TFPT: variants seen among roughly 807,000 people sequenced by gnomAD.
TFPT encodes TCF3 fusion partner, also known as INO80 complex subunit F.
TFPT carries 27 observed loss-of-function variants against 28.8 expected under a neutral mutation model. The ratio of observed to expected loss-of-function variants is 0.94; its 90% CI spans 0.69 to 1.29. The LOEUF is 1.29. TFPT is among the 50% of genes most tolerant of loss of function. The pLI, the probability that TFPT is intolerant of heterozygous loss-of-function variation, is 0.00. For missense variants in TFPT, 330 were observed against 338.0 expected (o/e 0.98, Z 0.19); for synonymous variants, 152 against 142.8 (o/e 1.06, Z -0.46).
In TFPT at chr19:54,108,213, GTGGGGGCATCCGTGCCC is replaced by G. The variant is rs2073337733; in HGVS notation, c.438_454del (p.Gln146HisfsTer8). The G allele has an allele frequency of 1.3e-6, 2 of 1,598,220 alleles. No homozygotes were observed. The highest frequency in any genetic ancestry group is 2.7e-5 in the African/African-American group (2 of 74,774). Reference sequence around the variant, plus strand: ...AGGCTCATTCTCCGCATTGCCTGGGGTGGGGGCATCCGTGCCCTGGCTGCCCTCATCCTGGCAGGCAG... The same window carrying G: ...AGGCTCATTCTCCGCATTGCCTGGGGTGGCTGCCCTCATCCTGGCAGGCAG... On this transcript the variant is annotated frameshift_variant, in exon 5 of 6. Coordinates refer to ENST00000391759, the MANE Select transcript of TFPT (RefSeq NM_013342.4). LOFTEE classifies it high-confidence loss of function.
chr19:54,110,357 T>C (rs1477481843), intron 2 of TFPT, among the ~76,000 whole-genome samples: 4 of 152,046 alleles, frequency 2.6e-5, no homozygotes, highest in African/African-American at 9.7e-5. Context: ...TCCCCAGTCA[T>C]CCGCACAACT....
intron 2 of TFPT, among the ~76,000 whole-genome samples, chr19:54,110,524 C>T (rs1218486279): frequency 5.3e-5 from 8 of 152,048 alleles, no homozygotes; most frequent in East Asian, 1.9e-4. Flanking sequence ...GTCAGGAGTT[C>T]GAGACCAGCC....
At position 54,111,512 on chromosome 19, in the gene TFPT, A is replaced by G. The variant is rs1210222520; in HGVS notation, c.283-1391T>C. 2.6e-5 allele frequency among the ~76,000 whole-genome samples: 4 copies of G among 151,620 alleles called. No individual in the cohort carries two copies. The South Asian group carries it at 6.2e-4, about 24-fold the overall frequency. Reference sequence around the variant, plus strand: ...TCATCTCTACTAAAAAAAAAAAAAAAAAAAGAAAAATACAAAAATTAGCTG... The same window carrying G: ...TCATCTCTACTAAAAAAAAAAAAAAGAAAAGAAAAATACAAAAATTAGCTG... On this transcript the variant is annotated intron_variant, in intron 2 of 5. Transcript: ENST00000391759.
chr19:54,113,085 C>T (rs1320306365), intron 2 of TFPT, among the ~76,000 whole-genome samples: 1 of 92,556 alleles, frequency 1.1e-5, no homozygotes, highest in African/African-American at 4.7e-5. Flanking sequence ...AAGAGCGAGA[C>T]TCCACCTCAA....
At position 54,110,016 on chromosome 19, in the gene TFPT, G is replaced by T. The variant is rs768965130; in HGVS notation, c.353+35C>A. ...GGGCTGGGAGCATTTGGGAGCTGAG[G>T]CTCACAGGCCCAGAGGGGACAGAGA... is the stretch of plus-strand genomic sequence containing the variant. On this transcript the variant is annotated intron_variant, in intron 3 of 5. Coordinates refer to ENST00000391759, the MANE Select transcript of TFPT (RefSeq NM_013342.4). The T allele has an allele frequency of 4.4e-6, 7 of 1,607,344 alleles. No individual in the cohort carries two copies. The Admixed American group carries it at 1.2e-4, about 27-fold the overall frequency.
chr19:54,107,369 TTCCC>T, intron 5 of TFPT, 200 bp from the exon 6 acceptor site: 1 of 662,986 alleles, frequency 1.5e-6, no homozygotes, highest in East Asian at 2.8e-5. Context: ...CCACCTCAGC[TTCCC>T]AAGTAGCTGG....
At chr19:54,109,625 C>G (rs1477848293) in intron 3 of TFPT, among the ~76,000 whole-genome samples, 2 of 152,144 alleles carry the variant, frequency 1.3e-5, no homozygotes, top group East Asian at 3.8e-4. Context: ...CTCCGACAAC[C>G]CTGCCGCAGC....
At chr19:54,111,198 CAG>C (rs1167902369) in intron 2 of TFPT, among the ~76,000 whole-genome samples, 2 of 152,152 alleles carry the variant, frequency 1.3e-5, no homozygotes, top group Non-Finnish European at 2.9e-5. Context: ...CTCAGCCAAA[CAG>C]GGACCCAAAG....
chr19:54,111,041 G>A (rs746815905), intron 2 of TFPT, among the ~76,000 whole-genome samples: 51 of 152,222 alleles, frequency 3.4e-4, no homozygotes, highest in Admixed American at 6.5e-4. Flanking sequence ...TGCGACTTTA[G>A]TTACGACCTG....
intron 3 of TFPT, 63 bp downstream of exon 3, chr19:54,109,988 G>C (rs1199993244): frequency 5.8e-6 from 9 of 1,541,756 alleles, no homozygotes; most frequent in Non-Finnish European, 8.1e-6. Flanking sequence ...GGGAGAGACA[G>C]AGGGGCTGGG....
At chr19:54,107,288 G>T in intron 5 of TFPT, 119 bp from the exon 6 acceptor site, 1 of 1,398,210 alleles carries the variant, frequency 7.2e-7, no homozygotes, top group Non-Finnish European at 9.7e-7. Flanking sequence ...TCACTCTGTT[G>T]CCCAGGCTGG....
intron 2 of TFPT, among the ~76,000 whole-genome samples, chr19:54,111,776 G>A (rs2073463052): frequency 6.6e-6 from 1 of 151,478 alleles, no homozygotes; most frequent in Admixed American, 6.6e-5. Flanking sequence ...CCTGAGGTCA[G>A]GAGTTTGAGA....
intron 5 of TFPT, chr19:54,107,548 C>T (rs1304209633): frequency 2.0e-5 from 6 of 295,202 alleles, no homozygotes; most frequent in African/African-American, 1.3e-4. Context: ...TGCACCTGGC[C>T]AGCCTCACAG....
chr19:54,110,164 C>T (rs368790745), intron 2 of TFPT, 43 bp from the exon 3 acceptor site: 64 of 1,604,268 alleles, frequency 4.0e-5, no homozygotes, highest in East Asian at 8.9e-5. Flanking sequence ...CCACGGCTCC[C>T]GTTCATTTGT....
chr19:54,112,606 T>C (rs1173606451), intron 2 of TFPT, among the ~76,000 whole-genome samples: 1 of 151,876 alleles, frequency 6.6e-6, no homozygotes, highest in Non-Finnish European at 1.5e-5. Context: ...CTGGGCAACA[T>C]GGCAAAACCC....
In TFPT at chr19:54,107,220, C is replaced by A. The variant is rs587767540; in HGVS notation, c.643-51G>T. ...TAACAGGCCTGGGAATCTAGAAAAT[C>A]CCATCAGCTTCACCATTTTTGTTTT... On this transcript the variant is annotated intron_variant, in intron 5 of 5. Transcript: ENST00000391759. 3 of 1,580,676 alleles carry A rather than the reference C, an allele frequency of 1.9e-6. No individual in the cohort carries two copies. In the South Asian group the frequency reaches 3.4e-5, roughly 18 times the overall value.
chr19:54,108,492 C>G, intron 3 of TFPT, 97 bp from the exon 4 acceptor site: 1 of 1,613,546 alleles, frequency 6.2e-7, no homozygotes, highest in Admixed American at 1.7e-5. Context: ...CCACTCAACG[C>G]CAAAGCTGTC....
chr19:54,107,931 AGCCCTG>A, intron 5 of TFPT, 89 bp downstream of exon 5: 2 of 1,337,478 alleles, frequency 1.5e-6, no homozygotes, highest in Non-Finnish European at 2.0e-6. Context: ...ACTCAGCCCC[AGCCCTG>A]GCCCCTCCCC....
intron 3 of TFPT, 146 bp downstream of exon 3, chr19:54,109,905 T>C (rs1256104501): frequency 6.5e-6 from 2 of 306,516 alleles, no homozygotes; most frequent in African/African-American, 1.4e-4. Flanking sequence ...TCTTCCTCCT[T>C]GTTTGCCTCA....
Sources: allele counts gnomAD v4.1 joint callset (sites outside exome capture counted in the v4.1 genomes callset), GRCh38; gene constraint gnomAD v4.1.1; transcripts MANE v1.5; gene names NCBI Gene and HGNC (gene_info 2026-07-23, HGNC 2026-07-21).